Variants in CSMD1 observed in about 807,000 individuals in gnomAD.
CSMD1 encodes the protein CUB and sushi domain-containing protein 1.
Under a neutral mutation model 417.5 loss-of-function variants are expected in CSMD1, and 213 were observed. The ratio of observed to expected loss-of-function variants is 0.51; its 90% CI spans 0.46 to 0.57. The LOEUF is 0.57. Among genes scored for constraint, CSMD1 ranks in the 20% least tolerant of loss-of-function variants. The pLI, the probability that CSMD1 is intolerant of heterozygous loss-of-function variation, is 0.00. For synonymous variants in CSMD1, 2,862 were observed against 1,736.8 expected (o/e 1.65, Z -16.11); for missense variants, 6,923 against 4,529.7 (o/e 1.53, Z -15.17).
chr8:3,196,470 C>T (rs11783118), intron 33 of CSMD1, among the ~76,000 whole-genome samples: 64,425 of 151,916 alleles, frequency 0.42, 15,274 homozygotes, highest in Non-Finnish European at 0.55. Flanking sequence ...TTCTTTCTTG[C>T]GCGAGATCCA....
chr8:4,422,240 T>C (rs1797288597), intron 2 of CSMD1, among the ~76,000 whole-genome samples: 1 of 152,096 alleles, frequency 6.6e-6, no homozygotes, highest in Non-Finnish European at 1.5e-5. Flanking sequence ...TTCTACACAG[T>C]CTCTTCCAGA....
chr8:3,580,407 G>C (rs906193487), intron 9 of CSMD1, among the ~76,000 whole-genome samples: 3 of 152,114 alleles, frequency 2.0e-5, no homozygotes, highest in African/African-American at 4.8e-5. Flanking sequence ...GGGGGAGGCG[G>C]ATACTCCAGA....
chr8:4,443,872 A>G (rs1172775141), intron 2 of CSMD1, among the ~76,000 whole-genome samples: 1 of 152,192 alleles, frequency 6.6e-6, no homozygotes, highest in African/African-American at 2.4e-5. Flanking sequence ...ATGTGAAAAC[A>G]CTCAGCTATG....
chr8:3,208,860 C>A (rs1296834234), intron 30 of CSMD1, among the ~76,000 whole-genome samples: 1 of 152,190 alleles, frequency 6.6e-6, no homozygotes, highest in Non-Finnish European at 1.5e-5. Flanking sequence ...CCAAGTTCTT[C>A]AGTTTTGGGA....
chr8:4,412,844 G>C (rs1279534376), intron 3 of CSMD1, among the ~76,000 whole-genome samples: 3 of 152,044 alleles, frequency 2.0e-5, no homozygotes, highest in South Asian at 4.1e-4. Flanking sequence ...AATTGTAATG[G>C]AAGAATGCCT....
chr8:4,419,935 A>G lies in CSMD1; in HGVS notation c.415+18T>C, dbSNP rs769932775. ...TTTGGACAGTGAATGCATGTGCAAA[A>G]CACAACCAATCTCCTACCTTCATAT... On this transcript the variant is annotated intron_variant, in intron 3 of 69. Coordinates refer to ENST00000635120, the MANE Select transcript of CSMD1 (RefSeq NM_033225.6). 3 of 1,505,938 alleles carry G rather than the reference A, an allele frequency of 2.0e-6. No individual in the cohort carries two copies. The highest frequency in any genetic ancestry group is 2.7e-6 in the Non-Finnish European group (3 of 1,102,368). 93.3% of individuals were successfully genotyped at this position (1,505,938 alleles called of 1,614,324 possible).
intron 11 of CSMD1, among the ~76,000 whole-genome samples, chr8:3,488,698 G>A (rs545459808): frequency 1.3e-5 from 2 of 152,232 alleles, no homozygotes; most frequent in African/African-American, 2.4e-5. Flanking sequence ...AAGCAAGAAC[G>A]CTTCCAGATA....
At chr8:4,118,909 C>T (rs113519003) in intron 3 of CSMD1, among the ~76,000 whole-genome samples, 5 of 152,266 alleles carry the variant, frequency 3.3e-5, no homozygotes, top group African/African-American at 1.2e-4. Context: ...TACTATGCAG[C>T]CATTAAAAAG....
chr8:4,251,158 AG>A (rs1267806301), intron 3 of CSMD1, among the ~76,000 whole-genome samples: 1 of 152,208 alleles, frequency 6.6e-6, no homozygotes, highest in Admixed American at 6.5e-5. Context: ...AAGGTATACA[AG>A]GCCAATGAAG....
At chr8:4,059,392 C>T (rs1798856256) in intron 3 of CSMD1, among the ~76,000 whole-genome samples, 1 of 151,996 alleles carries the variant, frequency 6.6e-6, no homozygotes, top group Admixed American at 6.6e-5. Flanking sequence ...ACTAGAAAAG[C>T]AAGAGCAAAC....
intron 41 of CSMD1, among the ~76,000 whole-genome samples, chr8:3,141,629 C>G (rs915840479): frequency 2.6e-5 from 4 of 152,214 alleles, no homozygotes; most frequent in Non-Finnish European, 4.4e-5. Flanking sequence ...AGACCCTGCA[C>G]CTGGTGGATC....
chr8:3,983,526 T>A (rs1315822886), intron 5 of CSMD1, among the ~76,000 whole-genome samples: 1 of 152,216 alleles, frequency 6.6e-6, no homozygotes, highest in Non-Finnish European at 1.5e-5. Flanking sequence ...GAAACTGCCC[T>A]TGGATGCCAT....
At chr8:4,395,102 C>G (rs961135361) in intron 3 of CSMD1, among the ~76,000 whole-genome samples, 1 of 152,168 alleles carries the variant, frequency 6.6e-6, no homozygotes, top group Non-Finnish European at 1.5e-5. Flanking sequence ...CATGAACCTC[C>G]GCTGGGAGAC....
chr8:3,030,810 T>C (rs1001647983), intron 50 of CSMD1, among the ~76,000 whole-genome samples: 3 of 152,074 alleles, frequency 2.0e-5, no homozygotes, highest in Non-Finnish European at 2.9e-5. Flanking sequence ...TACAAGTTTA[T>C]TAGAATTGAG....
chr8:2,939,923 T>C (rs1054216658), intron 69 of CSMD1, among the ~76,000 whole-genome samples: 5 of 152,190 alleles, frequency 3.3e-5, no homozygotes, highest in African/African-American at 7.2e-5. Context: ...AGTCCCTTCA[T>C]GTGTAGGGAA....
intron 12 of CSMD1, among the ~76,000 whole-genome samples, chr8:3,446,444 G>C (rs1005306603): frequency 8.5e-5 from 13 of 152,268 alleles, no homozygotes; most frequent in African/African-American, 3.1e-4. Flanking sequence ...ACTCAGTTAT[G>C]ATTCCTACTT....
At chr8:3,764,421 G>T (rs984469186) in intron 5 of CSMD1, among the ~76,000 whole-genome samples, 3 of 152,172 alleles carry the variant, frequency 2.0e-5, no homozygotes, top group African/African-American at 4.8e-5. Flanking sequence ...AACAACGTAT[G>T]AGTGTGAGAC....
chr8:3,824,351 G>A (rs908535317), intron 5 of CSMD1, among the ~76,000 whole-genome samples: 3 of 152,154 alleles, frequency 2.0e-5, no homozygotes, highest in Admixed American at 6.5e-5. Context: ...TATGTGCAAA[G>A]TTTGTCAAAT....
chr8:4,081,464 A>C (rs1256970416), intron 3 of CSMD1, among the ~76,000 whole-genome samples: 8 of 152,132 alleles, frequency 5.3e-5, no homozygotes, highest in African/African-American at 1.9e-4. Flanking sequence ...CCACGGTGTC[A>C]TGGGAACACT....
Sources: gnomAD v4.1 joint callset for allele counts (sites outside exome capture counted in the v4.1 genomes callset) on GRCh38, gnomAD v4.1.1 for gene constraint, MANE v1.5 for transcripts, NCBI Gene and HGNC (gene_info 2026-07-23, HGNC 2026-07-21) for gene names.